The following FRMD6 variants were observed in gnomAD, a reference collection of about 807,000 sequenced individuals.
FRMD6 encodes the protein FERM domain-containing protein 6.
Under a neutral mutation model 73.2 loss-of-function variants are expected in FRMD6, and 37 were observed. That is an observed-to-expected ratio of 0.51 (90% CI 0.39 to 0.66). The LOEUF is 0.66. Ranked by LOEUF, FRMD6 falls within the 30% of genes least tolerant of loss-of-function variation. The pLI, the probability that FRMD6 is intolerant of heterozygous loss-of-function variation, is 0.00. For missense variants in FRMD6, 714 were observed against 780.5 expected (o/e 0.91, Z 1.02); for synonymous variants, 273 against 282.2 (o/e 0.97, Z 0.33).
the FRMD6 span, among the ~76,000 whole-genome samples, chr14:51,426,038 C>T: frequency 6.6e-6 from 1 of 152,146 alleles, no homozygotes; most frequent in East Asian, 1.9e-4. Context: ...CTCTCCAAAT[C>T]CAGTCTCATA....
chr14:51,654,422 G>A (rs991066428), intron 1 of FRMD6, among the ~76,000 whole-genome samples: 1 of 152,100 alleles, frequency 6.6e-6, no homozygotes, highest in Non-Finnish European at 1.5e-5. Context: ...TGTGGCAGAT[G>A]CTTGGAATGA....
the FRMD6 span, among the ~76,000 whole-genome samples, chr14:51,428,524 G>A: frequency 6.6e-6 from 1 of 152,158 alleles, no homozygotes; most frequent in Non-Finnish European, 1.5e-5. Context: ...ATACCTGATA[G>A]CTTCATATGC....
chr14:51,712,876 G>T (rs150658531), intron 9 of FRMD6, among the ~76,000 whole-genome samples: 3 of 152,148 alleles, frequency 2.0e-5, no homozygotes, highest in Non-Finnish European at 4.4e-5. Context: ...GGTATTTCGC[G>T]TAGAGGTTAG....
At chr14:51,564,351 A>G (rs10484089) in intron 1 of FRMD6, among the ~76,000 whole-genome samples, 21,987 of 152,184 alleles carry the variant, frequency 0.14, 1,774 homozygotes, top group Non-Finnish European at 0.16. Context: ...CCTGTCTACA[A>G]TAATGAATTT....
In FRMD6 at chr14:51,729,574, C is replaced by T. The variant is rs1374536177; in HGVS notation, c.*1545C>T. ...CCATATTTTGATATACCATTTTTTT[C>T]TATCTGCCCAGTTTTATTAAAAAAA... On this transcript the variant is annotated 3_prime_UTR_variant, in exon 14 of 14. Coordinates refer to ENST00000344768, the MANE Select transcript of FRMD6 (RefSeq NM_001267046.2). 1 of 152,320 alleles carries T rather than the reference C, an allele frequency of 6.6e-6. No individual in the cohort carries two copies. Among genetic ancestry groups the T allele is most frequent in the Admixed American group, 6.6e-5 (1 of 15,264 alleles). 9.4% of individuals were successfully genotyped at this position (152,320 alleles called of 1,614,324 possible).
At chr14:51,701,520 A>G (rs1001070709) in intron 4 of FRMD6, among the ~76,000 whole-genome samples, 1 of 146,776 alleles carries the variant, frequency 6.8e-6, no homozygotes, top group Non-Finnish European at 1.5e-5. Context: ...AAAGAAAATT[A>G]TAAGTTCTAA....
the FRMD6 span, among the ~76,000 whole-genome samples, chr14:51,418,697 C>A: frequency 0.2 from 30,910 of 152,146 alleles, 3,671 homozygotes; most frequent in East Asian, 0.5. Flanking sequence ...GGGAGAACCA[C>A]TGCTCTCTTC....
upstream of FRMD6, among the ~76,000 whole-genome samples, chr14:51,488,422 C>T (rs1296535220): frequency 6.6e-6 from 1 of 152,144 alleles, no homozygotes; most frequent in Non-Finnish European, 1.5e-5. Flanking sequence ...TTTCATTTTG[C>T]TTATTTGGAA....
intron 1 of FRMD6, among the ~76,000 whole-genome samples, chr14:51,679,040 T>G (rs1362188422): frequency 2.0e-5 from 3 of 152,110 alleles, no homozygotes; most frequent in Admixed American, 2.0e-4. Flanking sequence ...TGCTTTAGTG[T>G]TAGGTGTTGT....
At chr14:51,537,666 C>T (rs188369454) in intron 1 of FRMD6, among the ~76,000 whole-genome samples, 35 of 152,278 alleles carry the variant, frequency 2.3e-4, no homozygotes, top group East Asian at 1.2e-3. Context: ...ACCTCACCAG[C>T]ATTTGGTTTT....
At position 51,729,004 on chromosome 14, in the gene FRMD6, C is replaced by T. The variant is rs958480853; in HGVS notation, c.*975C>T. The T allele has an allele frequency of 6.6e-6, 1 of 152,106 alleles. No homozygotes were observed. Among genetic ancestry groups the T allele is most frequent in the African/African-American group, 2.4e-5 (1 of 41,418 alleles). 9.4% of individuals were successfully genotyped at this position (152,106 alleles called of 1,614,324 possible). ...TCTTCATTTTGGCTTCCATGACTAT[C>T]TTTTATACATGGAATTCCTTAAGAT... On this transcript the variant is annotated 3_prime_UTR_variant, in exon 14 of 14. Transcript: ENST00000344768.
chr14:51,661,679 G>T (rs572661934), intron 1 of FRMD6, among the ~76,000 whole-genome samples: 18 of 152,188 alleles, frequency 1.2e-4, no homozygotes, highest in Non-Finnish European at 2.6e-4. Flanking sequence ...AGTCAAGCAG[G>T]GTGAAGACTG....
At chr14:51,428,351 A>G in the FRMD6 span, among the ~76,000 whole-genome samples, 3 of 152,132 alleles carry the variant, frequency 2.0e-5, no homozygotes, top group African/African-American at 7.2e-5. Flanking sequence ...ATTGCCATGT[A>G]CAAGTGACTT....
intron 1 of FRMD6, among the ~76,000 whole-genome samples, chr14:51,665,891 GC>G (rs1259726137): frequency 1.3e-5 from 2 of 152,162 alleles, no homozygotes; most frequent in Non-Finnish European, 2.9e-5. Flanking sequence ...TATGAGTTGT[GC>G]CTTTCACCTT....
intron 1 of FRMD6, among the ~76,000 whole-genome samples, chr14:51,686,885 G>T (rs1191673054): frequency 3.9e-5 from 6 of 152,134 alleles, no homozygotes; most frequent in Non-Finnish European, 8.8e-5. Context: ...GCATATTAGA[G>T]ATATGGCTAT....
At chr14:51,531,120 C>A (rs1289243236) in intron 1 of FRMD6, among the ~76,000 whole-genome samples, 1 of 152,120 alleles carries the variant, frequency 6.6e-6, no homozygotes, top group African/African-American at 2.4e-5. Context: ...GCCTTCATGA[C>A]CTCACCTCCT....
intron 2 of FRMD6, among the ~76,000 whole-genome samples, chr14:51,630,015 C>A (rs906007355): frequency 1.6e-4 from 24 of 152,128 alleles, no homozygotes; most frequent in Admixed American, 1.4e-3. Flanking sequence ...CTCCTGAGCT[C>A]AAACTTCTCC....
chr14:51,414,939 T>C, the FRMD6 span, among the ~76,000 whole-genome samples: 1 of 152,202 alleles, frequency 6.6e-6, no homozygotes, highest in Non-Finnish European at 1.5e-5. Context: ...CACTCATGAT[T>C]TGGCTCTCTG....
Position 51,683,933 on chromosome 14 carries a change from C to CA in FRMD6, c.-146-5756dup, listed in dbSNP as rs548574652. On this transcript the variant is annotated intron_variant, in intron 1 of 13. Coordinates refer to ENST00000344768, the MANE Select transcript of FRMD6 (RefSeq NM_001267046.2). ...ACAGTGCCTCATTTATCCACCAGAG[C>CA]AATGGTTGGAAGGTAGGAAAGAGAC... is the stretch of plus-strand genomic sequence containing the variant. 9.5e-4 allele frequency among the ~76,000 whole-genome samples: 145 copies of CA among 152,168 alleles called. 1 individual carries two copies. Among genetic ancestry groups the CA allele is most frequent in the African/African-American group, 3.4e-3 (142 of 41,516 alleles).
Sources: gnomAD v4.1 joint callset for allele counts (sites outside exome capture counted in the v4.1 genomes callset) on GRCh38, gnomAD v4.1.1 for gene constraint, MANE v1.5 for transcripts, NCBI Gene and HGNC (gene_info 2026-07-23, HGNC 2026-07-21) for gene names.